The following SPATA17 variants were observed in gnomAD, a reference collection of about 807,000 sequenced individuals.
SPATA17 encodes spermatogenesis-associated protein 17.
In SPATA17, 53 loss-of-function variants were observed where a neutral mutation model predicts 62.2. The ratio of observed to expected loss-of-function variants is 0.85; its 90% CI spans 0.68 to 1.07. SPATA17 has a LOEUF of 1.07. Among genes scored for constraint, SPATA17 ranks in the 50% least tolerant of loss-of-function variants. The pLI is 0.00. For missense variants in SPATA17, 466 were observed against 425.5 expected (o/e 1.10, Z -0.84); for synonymous variants, 146 against 146.8 (o/e 0.99, Z 0.04).
At chr1:217,704,809 G>A (rs1465869516) in intron 5 of SPATA17, among the ~76,000 whole-genome samples, 1 of 152,036 alleles carries the variant, frequency 6.6e-6, no homozygotes, top group Admixed American at 6.6e-5. Context: ...TACCACTGAT[G>A]GGCATCTAGG....
intron 5 of SPATA17, among the ~76,000 whole-genome samples, chr1:217,738,181 C>G (rs1184152565): frequency 2.0e-5 from 3 of 152,158 alleles, no homozygotes. Flanking sequence ...GAGAAACCAC[C>G]CCTCAGAGTA....
At chr1:217,736,487 GA>G (rs1296072750) in intron 5 of SPATA17, among the ~76,000 whole-genome samples, 1 of 152,120 alleles carries the variant, frequency 6.6e-6, no homozygotes, top group African/African-American at 2.4e-5. Context: ...GTTTATGAGT[GA>G]AAAGAACAGT....
intron 5 of SPATA17, among the ~76,000 whole-genome samples, chr1:217,696,267 C>T (rs1472292357): frequency 6.6e-6 from 1 of 152,162 alleles, no homozygotes; most frequent in East Asian, 1.9e-4. Flanking sequence ...CAGGTGCGTC[C>T]GTCACCCCTT....
At chr1:217,665,071 C>A (rs1231481137) in intron 3 of SPATA17, among the ~76,000 whole-genome samples, 1 of 152,132 alleles carries the variant, frequency 6.6e-6, no homozygotes, top group Non-Finnish European at 1.5e-5. Flanking sequence ...ACAACTGGCA[C>A]TTGATTGTGG....
intron 3 of SPATA17, among the ~76,000 whole-genome samples, chr1:217,659,822 G>A (rs1670528231): frequency 6.6e-6 from 1 of 151,798 alleles, no homozygotes; most frequent in Non-Finnish European, 1.5e-5. Context: ...ACCTTCTATT[G>A]GTCATCAAAT....
intron 6 of SPATA17, among the ~76,000 whole-genome samples, chr1:217,753,529 T>C (rs1672965550): frequency 6.6e-6 from 1 of 152,090 alleles, no homozygotes; most frequent in African/African-American, 2.4e-5. Context: ...ATTTAGTAGA[T>C]TCGGTGCCTT....
intron 5 of SPATA17, among the ~76,000 whole-genome samples, chr1:217,734,768 T>G (rs1672475504): frequency 6.6e-6 from 1 of 152,204 alleles, no homozygotes; most frequent in Admixed American, 6.5e-5. Context: ...AAAATTATGA[T>G]TTTTGTGGAA....
At chr1:217,718,688 GGAA>G (rs751507282) in intron 5 of SPATA17, among the ~76,000 whole-genome samples, 14 of 151,996 alleles carry the variant, frequency 9.2e-5, no homozygotes, top group East Asian at 1.9e-4. Flanking sequence ...GTGAGAAGTA[GGAA>G]GAAGAAGAAG....
intron 5 of SPATA17, among the ~76,000 whole-genome samples, chr1:217,741,454 A>G (rs1443365867): frequency 6.6e-6 from 1 of 152,188 alleles, no homozygotes; most frequent in East Asian, 1.9e-4. Flanking sequence ...GCAAGATAAT[A>G]TATGTAATCT....
At chr1:217,764,882 T>C (rs1673259513) in intron 6 of SPATA17, among the ~76,000 whole-genome samples, 1 of 152,144 alleles carries the variant, frequency 6.6e-6, no homozygotes, top group Non-Finnish European at 1.5e-5. Flanking sequence ...GCCCGTTCTA[T>C]AATTTATTTA....
chr1:217,697,214 C>T (rs184056320), intron 5 of SPATA17, among the ~76,000 whole-genome samples: 1 of 152,276 alleles, frequency 6.6e-6, no homozygotes, highest in East Asian at 1.9e-4. Context: ...CTCCTGACCT[C>T]AGGTGATCCG....
intron 10 of SPATA17, among the ~76,000 whole-genome samples, chr1:217,865,949 G>A (rs55814690): frequency 6.6e-6 from 1 of 152,000 alleles, no homozygotes; most frequent in Non-Finnish European, 1.5e-5. Context: ...CTTTTCCATA[G>A]GAATTTGGCA....
intron 9 of SPATA17, among the ~76,000 whole-genome samples, chr1:217,831,132 T>C (rs1048186516): frequency 6.6e-6 from 1 of 152,178 alleles, no homozygotes; most frequent in African/African-American, 2.4e-5. Context: ...CCTTTGATGA[T>C]GATCTAGGGC....
intron 9 of SPATA17, among the ~76,000 whole-genome samples, chr1:217,844,158 A>C (rs1340442779): frequency 6.6e-6 from 1 of 152,116 alleles, no homozygotes; most frequent in East Asian, 1.9e-4. Context: ...AATAGCCTCA[A>C]ATCGTACATA....
At chr1:217,776,660 G>A (rs1012792512) in intron 7 of SPATA17, among the ~76,000 whole-genome samples, 7 of 146,912 alleles carry the variant, frequency 4.8e-5, no homozygotes, top group African/African-American at 1.8e-4. Flanking sequence ...GCAACATAGC[G>A]AGAGCCTGTC....
chr1:217,768,089 C>A (rs1006341781), intron 6 of SPATA17, among the ~76,000 whole-genome samples: 2 of 151,846 alleles, frequency 1.3e-5, no homozygotes, highest in Non-Finnish European at 1.5e-5. Context: ...TACTAAAATA[C>A]AAAAAATTAG....
chr1:217,715,826 A>C (rs1366842962), intron 5 of SPATA17, among the ~76,000 whole-genome samples: 1 of 152,176 alleles, frequency 6.6e-6, no homozygotes, highest in Admixed American at 6.5e-5. Context: ...CCCAGTGATG[A>C]TCATCAGAAT....
chr1:217,794,950 ACAAGT>A (rs1432353703), intron 8 of SPATA17, among the ~76,000 whole-genome samples: 2 of 152,222 alleles, frequency 1.3e-5, no homozygotes, highest in African/African-American at 4.8e-5. Context: ...CTCATTAAAA[ACAAGT>A]CAAGCCAAAA....
intron 6 of SPATA17, among the ~76,000 whole-genome samples, chr1:217,764,668 T>G (rs947468285): frequency 7.9e-5 from 12 of 152,188 alleles, no homozygotes; most frequent in African/African-American, 2.9e-4. Flanking sequence ...AGTGCCTGTA[T>G]CATTTTGCAT....
Sources: allele counts gnomAD v4.1 joint callset (sites outside exome capture counted in the v4.1 genomes callset), GRCh38; gene constraint gnomAD v4.1.1; transcripts MANE v1.5; gene names NCBI Gene and HGNC (gene_info 2026-07-23, HGNC 2026-07-21).